SPECC1: variants seen among roughly 807,000 people sequenced by gnomAD.
SPECC1 encodes sperm antigen with calponin homology and coiled-coil domains 1, also known as cytospin-B.
In SPECC1, 62 loss-of-function variants were observed where a neutral mutation model predicts 104.1. That is an observed-to-expected ratio of 0.60 (90% confidence interval 0.49 to 0.74). The LOEUF (loss-of-function observed/expected upper bound fraction) is 0.74. SPECC1 is among the 30% of genes least tolerant of loss of function. SPECC1 has a pLI of 0.00. For synonymous variants in SPECC1, 513 were observed against 501.6 expected (o/e 1.02, Z -0.30); for missense variants, 1,306 against 1,310.5 (o/e 1.00, Z 0.05).
chr17:20,286,658 T>C (rs1366962701), intron 12 of SPECC1, among the ~76,000 whole-genome samples: 2 of 152,108 alleles, frequency 1.3e-5, no homozygotes, highest in African/African-American at 4.8e-5. Context: ...AAACTGCTGT[T>C]TTTCTGCCTG....
intron 1 of SPECC1, among the ~76,000 whole-genome samples, chr17:20,052,813 T>C (rs1439004455): frequency 1.3e-5 from 2 of 152,210 alleles, no homozygotes; most frequent in Non-Finnish European, 2.9e-5. Flanking sequence ...GCAGTCTGCA[T>C]GTAGCAAAAA....
intron 1 of SPECC1, among the ~76,000 whole-genome samples, chr17:20,015,667 C>T (rs1048844946): frequency 5.4e-5 from 8 of 147,002 alleles, no homozygotes; most frequent in African/African-American, 2.0e-4. Context: ...TCACTGCAAG[C>T]TCTGCCTCCC....
chr17:20,280,013 G>A (rs1245933144), intron 12 of SPECC1, among the ~76,000 whole-genome samples: 1 of 152,152 alleles, frequency 6.6e-6, no homozygotes. Context: ...GTTGGGAGGT[G>A]GAGTTTAAGG....
chr17:20,080,603 A>G (rs1450947118), intron 1 of SPECC1, among the ~76,000 whole-genome samples: 1 of 151,944 alleles, frequency 6.6e-6, no homozygotes, highest in Non-Finnish European at 1.5e-5. Flanking sequence ...GAGGTTTCGC[A>G]GTGGGTAAAG....
At chr17:20,186,538 G>A (rs915553773) in intron 3 of SPECC1, among the ~76,000 whole-genome samples, 1 of 152,160 alleles carries the variant, frequency 6.6e-6, no homozygotes, top group Admixed American at 6.5e-5. Flanking sequence ...CTAAAAGTAT[G>A]CCAAATGGTT....
At chr17:20,056,816 T>G (rs1457841314) in intron 1 of SPECC1, among the ~76,000 whole-genome samples, 2 of 152,178 alleles carry the variant, frequency 1.3e-5, no homozygotes, top group Non-Finnish European at 2.9e-5. Flanking sequence ...TAAAATCCTC[T>G]GAAGAGAAAA....
At chr17:20,226,360 T>C (rs1446307228) in intron 4 of SPECC1, among the ~76,000 whole-genome samples, 1 of 152,148 alleles carries the variant, frequency 6.6e-6, no homozygotes, top group Non-Finnish European at 1.5e-5. Context: ...TATTACCATG[T>C]TATAAATGCA....
At chr17:20,167,882 T>C (rs1318255422) in intron 3 of SPECC1, among the ~76,000 whole-genome samples, 1 of 152,216 alleles carries the variant, frequency 6.6e-6, no homozygotes, top group African/African-American at 2.4e-5. Context: ...AATTAACATA[T>C]GCTAGAAAAA....
chr17:20,141,132 C>T (rs1372221390), intron 3 of SPECC1, among the ~76,000 whole-genome samples: 1 of 152,228 alleles, frequency 6.6e-6, no homozygotes, highest in Non-Finnish European at 1.5e-5. Flanking sequence ...AAAGGACCCG[C>T]TCATAGTAGC....
chr17:20,308,486 A>G (rs2087794085), intron 14 of SPECC1, among the ~76,000 whole-genome samples: 1 of 151,758 alleles, frequency 6.6e-6, no homozygotes, highest in Admixed American at 6.6e-5. Flanking sequence ...AAATCTTACC[A>G]CCATGAACAG....
intron 1 of SPECC1, among the ~76,000 whole-genome samples, chr17:20,027,835 G>A (rs2044654482): frequency 6.6e-6 from 1 of 152,094 alleles, no homozygotes; most frequent in East Asian, 1.9e-4. Flanking sequence ...CTCCAGCTTT[G>A]TTCTTTTTGC....
chr17:20,209,318 A>G (rs1209694442), intron 4 of SPECC1, among the ~76,000 whole-genome samples: 1 of 152,216 alleles, frequency 6.6e-6, no homozygotes, highest in Non-Finnish European at 1.5e-5. Flanking sequence ...ATTATTAAAA[A>G]GGATACAATA....
chr17:20,227,970 G>C (rs74863649), intron 5 of SPECC1, among the ~76,000 whole-genome samples: 3,867 of 152,194 alleles, frequency 0.025, 146 homozygotes, highest in East Asian at 0.084. Flanking sequence ...GTGACGAGGG[G>C]GGGTGGGTTT....
Position 20,043,384 on chromosome 17 carries a change from T to A in SPECC1, c.-22+33960T>A, listed in dbSNP as rs940900250. Among the ~76,000 whole-genome samples the A allele has an allele frequency of 3.3e-5, 5 of 152,254 alleles. No homozygotes were observed. The South Asian group carries it at 1.0e-3, about 31-fold the overall frequency. On this transcript the variant is annotated intron_variant, in intron 1 of 14. Coordinates refer to ENST00000395527, the MANE Select transcript of SPECC1 (RefSeq NM_001243439.2). ...TTTTAGCATGTCTAGGTGAATATAT[T>A]AAGGTTTACAAAATGATAATTTTTC... is the stretch of plus-strand genomic sequence containing the variant.
intron 13 of SPECC1, among the ~76,000 whole-genome samples, chr17:20,298,330 CAAAAA>C (rs983256288): frequency 7.2e-6 from 1 of 139,636 alleles, no homozygotes; most frequent in Non-Finnish European, 1.6e-5. Flanking sequence ...CAAGACTCCT[CAAAAA>C]AAAAAAGAAA....
chr17:20,133,080 TGAGTCTGTG>T (rs1297468080), intron 3 of SPECC1, among the ~76,000 whole-genome samples: 1 of 152,198 alleles, frequency 6.6e-6, no homozygotes, highest in African/African-American at 2.4e-5. Flanking sequence ...TTATCCTTTT[TGAGTCTGTG>T]GAGTCTGTAG....
chr17:20,071,318 G>T (rs1468474538), intron 1 of SPECC1, among the ~76,000 whole-genome samples: 1 of 152,034 alleles, frequency 6.6e-6, no homozygotes, highest in Non-Finnish European at 1.5e-5. Flanking sequence ...CCATGCCATT[G>T]TAATTTTTTA....
intron 12 of SPECC1, among the ~76,000 whole-genome samples, chr17:20,273,544 T>C (rs1330733650): frequency 6.6e-6 from 1 of 152,010 alleles, no homozygotes; most frequent in Non-Finnish European, 1.5e-5. Flanking sequence ...AATTCCCTTG[T>C]TTTCACTGCA....
At chr17:20,308,389 C>CAAAAAAAA (rs3072413) in intron 14 of SPECC1, among the ~76,000 whole-genome samples, 5 of 66,600 alleles carry the variant, frequency 7.5e-5, no homozygotes, top group African/African-American at 2.8e-4. Context: ...AACTCCATCT[C>CAAAAAAAA]AAAAAAAAAA....
Sources: allele counts gnomAD v4.1 joint callset (sites outside exome capture counted in the v4.1 genomes callset), GRCh38; gene constraint gnomAD v4.1.1; transcripts MANE v1.5; gene names NCBI Gene and HGNC (gene_info 2026-07-23, HGNC 2026-07-21).